ELF2: variants seen among roughly 807,000 people sequenced by gnomAD.
ELF2 encodes the protein E74 like ETS transcription factor 2, also known as ETS-related transcription factor Elf-2.
A neutral mutation model predicts 54.8 loss-of-function variants in ELF2; 11 were observed. The observed-to-expected ratio is 0.20, with a 90% CI of 0.13 to 0.33. ELF2 has a LOEUF of 0.33. ELF2 is among the 10% of genes least tolerant of loss of function. The pLI, the probability that ELF2 is intolerant of heterozygous loss-of-function variation, is 1.00. For synonymous variants in ELF2, 203 were observed against 245.1 expected, an observed-to-expected ratio of 0.83 and a Z score of 1.61; for missense variants, 513 against 703.0, an observed-to-expected ratio of 0.73 and a Z score of 3.06.
intron 3 of ELF2, among the ~76,000 whole-genome samples, chr4:139,133,375 G>C (rs1252643736): frequency 6.6e-6 from 1 of 152,110 alleles, no homozygotes; most frequent in Non-Finnish European, 1.5e-5. Flanking sequence ...TAATAATATT[G>C]AGCATTTTTA....
chr4:139,089,515 C>T (rs1253554122), intron 4 of ELF2, among the ~76,000 whole-genome samples: 2 of 152,252 alleles, frequency 1.3e-5, no homozygotes, highest in East Asian at 1.9e-4. Context: ...ACTTTTTATA[C>T]TTTCACATGT....
At chr4:139,115,336 C>T (rs943908427) in intron 4 of ELF2, 2 of 1,417,824 alleles carry the variant, frequency 1.4e-6, no homozygotes, top group African/African-American at 1.5e-5. Flanking sequence ...GGGCCGGGGT[C>T]GCCAACGCCG....
intron 6 of ELF2, among the ~76,000 whole-genome samples, chr4:139,070,352 G>A (rs1454148759): frequency 6.7e-6 from 1 of 150,084 alleles, no homozygotes; most frequent in African/African-American, 2.5e-5. Context: ...GTACACTGGT[G>A]CAATCTCGGC....
chr4:139,136,442 C>G (rs1278861053), intron 3 of ELF2, among the ~76,000 whole-genome samples: 2 of 151,886 alleles, frequency 1.3e-5, no homozygotes, highest in Non-Finnish European at 2.9e-5. Flanking sequence ...ATCCAGACTA[C>G]AGAACGCACA....
intron 1 of ELF2, among the ~76,000 whole-genome samples, chr4:139,150,292 G>A (rs770873423): frequency 3.8e-4 from 57 of 150,638 alleles, no homozygotes; most frequent in South Asian, 6.3e-4. Flanking sequence ...GCTTGAACCC[G>A]GGTGGCAGAG....
At position 139,086,060 on chromosome 4, in the gene ELF2, A is replaced by G. The variant is rs553214128; in HGVS notation, c.239-12493T>C. On this transcript the variant is annotated intron_variant, in intron 4 of 9. Transcript: ENST00000686138. ...CTTCTATAAAATTTAGAAGTTATAA[A>G]AAAAGTTAAATCCATTTTACTACTA... Among the ~76,000 whole-genome samples, 211 of 152,366 alleles carry G rather than the reference A, an allele frequency of 1.4e-3. 1 individual carries two copies. The highest frequency in any genetic ancestry group is 2.5e-3 in the Non-Finnish European group (171 of 68,032).
At chr4:139,173,140 C>A (rs1742494882) in intron 1 of ELF2, among the ~76,000 whole-genome samples, 1 of 151,936 alleles carries the variant, frequency 6.6e-6, no homozygotes, top group Non-Finnish European at 1.5e-5. Context: ...GGGTTAACTG[C>A]AAACAGGCTG....
rs185012460 is a variant in ELF2, at chr4:139,166,064, A to G, written c.-252+10903T>C. 6.3e-3 allele frequency among the ~76,000 whole-genome samples: 967 copies of G among 152,304 alleles called. 15 individuals carry two copies. Among genetic ancestry groups the G allele is most frequent in the African/African-American group, 0.022 (935 of 41,566 alleles). On this transcript the variant is annotated intron_variant, in intron 1 of 9. Transcript: ENST00000686138. ...ATTCTTCTCTAAAAACAGGCTGGGC[A>G]TGGTGGCTCACGCCTGTAATCCCAG...
intron 6 of ELF2, among the ~76,000 whole-genome samples, chr4:139,070,894 G>T (rs1729413408): frequency 6.6e-6 from 1 of 152,222 alleles, no homozygotes; most frequent in East Asian, 1.9e-4. Context: ...ATGAAGAAAA[G>T]AAAATACCAT....
chr4:139,127,682 A>T (rs182536977), intron 3 of ELF2, among the ~76,000 whole-genome samples: 2 of 152,276 alleles, frequency 1.3e-5, no homozygotes, highest in African/African-American at 4.8e-5. Context: ...ATCATTTTGC[A>T]TTAAAAAATT....
At chr4:139,114,839 G>A in intron 4 of ELF2, 3 of 1,587,546 alleles carry the variant, frequency 1.9e-6, no homozygotes, top group Non-Finnish European at 2.6e-6. Context: ...CACCAGGCCT[G>A]GCCGCAGGGT....
chr4:139,084,431 G>A (rs1731697326), intron 4 of ELF2: 1 of 1,191,326 alleles, frequency 8.4e-7, no homozygotes, highest in Non-Finnish European at 1.0e-6. Context: ...AGGGGCGGCA[G>A]GGGCAGGGGC....
chr4:139,105,743 A>T (rs1324407258), intron 4 of ELF2, among the ~76,000 whole-genome samples: 1 of 152,198 alleles, frequency 6.6e-6, no homozygotes, highest in Non-Finnish European at 1.5e-5. Flanking sequence ...TGATAAAAAA[A>T]TTGCTGAGTG....
At chr4:139,095,900 T>C (rs1011149229) in intron 4 of ELF2, among the ~76,000 whole-genome samples, 4 of 152,060 alleles carry the variant, frequency 2.6e-5, no homozygotes, top group African/African-American at 7.2e-5. Flanking sequence ...AAAAATTAGC[T>C]GGGCACGGTG....
At chr4:139,164,182 G>C (rs555532169) in intron 1 of ELF2, among the ~76,000 whole-genome samples, 41 of 144,774 alleles carry the variant, frequency 2.8e-4, no homozygotes, top group African/African-American at 9.2e-4. Flanking sequence ...GAAAGAAAGA[G>C]AGGGAGATGA....
intron 4 of ELF2, among the ~76,000 whole-genome samples, chr4:139,095,088 G>A (rs779385777): frequency 1.4e-4 from 21 of 150,722 alleles, no homozygotes; most frequent in Non-Finnish European, 2.2e-4. Flanking sequence ...TTTTTTCCCC[G>A]TCTCATTGCA....
chr4:139,134,527 T>TTATTGTATTGTATTGTATTG (rs542901294), intron 3 of ELF2, among the ~76,000 whole-genome samples: 216 of 150,986 alleles, frequency 1.4e-3, no homozygotes, highest in African/African-American at 5.0e-3. Context: ...TGGCTAGTAT[T>TTATTGTATTGTATTGTATTG]TATTGTATTG....
At chr4:139,097,212 A>G (rs1345316669) in intron 4 of ELF2, among the ~76,000 whole-genome samples, 1 of 152,166 alleles carries the variant, frequency 6.6e-6, no homozygotes, top group Non-Finnish European at 1.5e-5. Flanking sequence ...CAGAGGCTGG[A>G]GAGTACAGTG....
chr4:139,072,596 C>G (rs1465347334), intron 5 of ELF2, among the ~76,000 whole-genome samples: 1 of 152,182 alleles, frequency 6.6e-6, no homozygotes, highest in Non-Finnish European at 1.5e-5. Context: ...TTTAATGTAA[C>G]AGTCCTGATG....
Sources: allele counts gnomAD v4.1 joint callset (sites outside exome capture counted in the v4.1 genomes callset), GRCh38; gene constraint gnomAD v4.1.1; transcripts MANE v1.5; gene names NCBI Gene and HGNC (gene_info 2026-07-23, HGNC 2026-07-21).